LRMDA: variants seen among roughly 807,000 people sequenced by gnomAD.
LRMDA encodes leucine-rich melanocyte differentiation-associated protein.
Under a neutral mutation model 29.8 loss-of-function variants are expected in LRMDA, and 18 were observed. The ratio of observed to expected loss-of-function variants is 0.60; its 90% CI spans 0.42 to 0.90. LRMDA has a LOEUF of 0.90. LRMDA is among the 40% of genes least tolerant of loss of function. The probability of loss-of-function intolerance (pLI) is 0.00; values close to 1 mark genes in which losing one functional copy is unlikely to be tolerated. For synonymous variants in LRMDA, 125 were observed against 109.4 expected (o/e 1.14, Z -0.89); for missense variants, 273 against 273.9 (o/e 1.00, Z 0.02).
At chr10:75,810,624 G>C (rs1176194023) in intron 2 of LRMDA, among the ~76,000 whole-genome samples, 1 of 152,198 alleles carries the variant, frequency 6.6e-6, no homozygotes, top group African/African-American at 2.4e-5. Context: ...TGGTTGGTGG[G>C]ACATCCCTTT....
At chr10:75,614,359 G>A (rs900998604) in intron 2 of LRMDA, among the ~76,000 whole-genome samples, 4 of 152,174 alleles carry the variant, frequency 2.6e-5, no homozygotes, top group African/African-American at 7.2e-5. Context: ...AAGGGATGAT[G>A]TATGTGGCGG....
At chr10:75,630,318 C>T (rs1328614333) in intron 2 of LRMDA, among the ~76,000 whole-genome samples, 1 of 152,226 alleles carries the variant, frequency 6.6e-6, no homozygotes. Context: ...CCCCCGCTTC[C>T]CTCTCCACTC....
chr10:75,796,533 A>G (rs897987485), intron 2 of LRMDA, among the ~76,000 whole-genome samples: 13 of 152,274 alleles, frequency 8.5e-5, no homozygotes, highest in Admixed American at 7.2e-4. Context: ...CTTGGTCATC[A>G]TGTGTTATCC....
At chr10:75,972,012 A>C (rs553033615) in intron 2 of LRMDA, among the ~76,000 whole-genome samples, 2 of 152,326 alleles carry the variant, frequency 1.3e-5, no homozygotes, top group South Asian at 4.1e-4. Context: ...GAAACAAGAC[A>C]TTTAAAATAA....
At chr10:76,236,876 A>G (rs116923743) in intron 5 of LRMDA, among the ~76,000 whole-genome samples, 2,465 of 152,372 alleles carry the variant, frequency 0.016, 32 homozygotes, top group South Asian at 0.071. Context: ...TTAGTAATTT[A>G]TGTGCTTACA....
chr10:75,634,905 T>C (rs1277832418), intron 2 of LRMDA, among the ~76,000 whole-genome samples: 1 of 151,994 alleles, frequency 6.6e-6, no homozygotes, highest in Non-Finnish European at 1.5e-5. Flanking sequence ...AGGAAAACTA[T>C]AAAACATTAC....
At chr10:75,758,400 C>T (rs1843057779) in intron 2 of LRMDA, among the ~76,000 whole-genome samples, 1 of 152,248 alleles carries the variant, frequency 6.6e-6, no homozygotes, top group Non-Finnish European at 1.5e-5. Context: ...CCATCAAGAT[C>T]TGGTCTGTTC....
rs145010273 is a variant in LRMDA at position 76,240,723 on chromosome 10, C to T, written c.517-83678C>T. ...TTGCAATTGCATAATATGGAACCAG[C>T]CCAAATGCCCATTAATCAATGAGTG... On this transcript the variant is annotated intron_variant, in intron 5 of 6. Coordinates refer to ENST00000611255, the MANE Select transcript of LRMDA (RefSeq NM_001305581.2). 3.1e-3 allele frequency among the ~76,000 whole-genome samples: 468 copies of T among 150,438 alleles called. 1 individual carries two copies. The highest frequency in any genetic ancestry group is 0.01 in the African/African-American group (418 of 41,068).
intron 3 of LRMDA, among the ~76,000 whole-genome samples, chr10:76,040,867 A>G (rs1224539893): frequency 6.6e-6 from 1 of 152,166 alleles, no homozygotes; most frequent in Non-Finnish European, 1.5e-5. Flanking sequence ...TGAATAGCCA[A>G]TGAGTTTGGA....
intron 5 of LRMDA, among the ~76,000 whole-genome samples, chr10:76,157,445 C>CA: frequency 6.6e-6 from 1 of 151,818 alleles, no homozygotes; most frequent in South Asian, 2.1e-4. Context: ...ACCCTGTTGC[C>CA]AAAAAAGTTT....
At chr10:75,844,625 A>G (rs766986988) in intron 2 of LRMDA, among the ~76,000 whole-genome samples, 4 of 152,218 alleles carry the variant, frequency 2.6e-5, no homozygotes, top group Non-Finnish European at 4.4e-5. Flanking sequence ...ACAGGAATAC[A>G]TGCATATAAC....
chr10:75,688,956 G>A (rs1842113230), intron 2 of LRMDA, among the ~76,000 whole-genome samples: 1 of 151,970 alleles, frequency 6.6e-6, no homozygotes, highest in Non-Finnish European at 1.5e-5. Flanking sequence ...TACTGTTATT[G>A]CACACTTAAT....
intron 2 of LRMDA, among the ~76,000 whole-genome samples, chr10:75,646,168 G>A (rs1418861839): frequency 6.6e-6 from 1 of 152,016 alleles, no homozygotes; most frequent in Non-Finnish European, 1.5e-5. Flanking sequence ...GTGTCAGCAT[G>A]TTTTAGACTG....
chr10:75,974,623 T>A (rs1402332529), intron 2 of LRMDA, among the ~76,000 whole-genome samples: 1 of 152,154 alleles, frequency 6.6e-6, no homozygotes. Flanking sequence ...CTCAATGAGG[T>A]AAGTATTGCT....
intron 5 of LRMDA, among the ~76,000 whole-genome samples, chr10:76,313,684 T>C (rs1840657229): frequency 6.6e-6 from 1 of 152,208 alleles, no homozygotes; most frequent in South Asian, 2.1e-4. Context: ...GGAAAAAAAG[T>C]GTGTGTGTAT....
At chr10:76,283,400 G>A (rs2758987) in intron 5 of LRMDA, among the ~76,000 whole-genome samples, 151,532 of 152,202 alleles carry the variant, frequency 1, 75,448 homozygotes, top group Middle Eastern at 1. Flanking sequence ...TCCCACTGGG[G>A]AAGCATGAAG....
chr10:75,456,665 T>C (rs1013540014), intron 2 of LRMDA, among the ~76,000 whole-genome samples: 1 of 152,214 alleles, frequency 6.6e-6, no homozygotes, highest in African/African-American at 2.4e-5. Flanking sequence ...TTTGCTAAAA[T>C]GGATTTTATT....
chr10:75,634,899 A>T (rs1564527392), intron 2 of LRMDA, among the ~76,000 whole-genome samples: 2 of 152,352 alleles, frequency 1.3e-5, no homozygotes, highest in South Asian at 4.1e-4. Context: ...TATATGAGGA[A>T]AACTATAAAA....
intron 5 of LRMDA, among the ~76,000 whole-genome samples, chr10:76,239,501 G>A (rs911016829): frequency 2.0e-5 from 3 of 152,096 alleles, no homozygotes; most frequent in Admixed American, 1.3e-4. Context: ...TTGCGTTGCT[G>A]TATCCCTTTG....
Sources: gnomAD v4.1 joint callset for allele counts (sites outside exome capture counted in the v4.1 genomes callset) on GRCh38, gnomAD v4.1.1 for gene constraint, MANE v1.5 for transcripts, NCBI Gene and HGNC (gene_info 2026-07-23, HGNC 2026-07-21) for gene names.